SEMA5A: variants seen among roughly 807,000 people sequenced by gnomAD.
SEMA5A encodes the protein semaphorin-5A.
Under a neutral mutation model 135.5 loss-of-function variants are expected in SEMA5A, and 55 were observed. The observed-to-expected ratio is 0.41, with a 90% confidence interval of 0.33 to 0.51. The LOEUF is 0.51. SEMA5A is among the 20% of genes least tolerant of loss of function. The pLI is 0.37. For synonymous variants in SEMA5A, 580 were observed against 546.5 expected, an observed-to-expected ratio of 1.06 and a Z score of -0.85; for missense variants, 1,290 against 1,419.9, an observed-to-expected ratio of 0.91 and a Z score of 1.47.
At chr5:9,306,124 T>C (rs534014460) in intron 5 of SEMA5A, among the ~76,000 whole-genome samples, 12 of 152,344 alleles carry the variant, frequency 7.9e-5, no homozygotes, top group African/African-American at 2.6e-4. Flanking sequence ...AACGTGCTGG[T>C]GTGGTTATCT....
At chr5:9,071,858 A>G (rs1285450580) in intron 16 of SEMA5A, among the ~76,000 whole-genome samples, 2 of 152,230 alleles carry the variant, frequency 1.3e-5, no homozygotes, top group Admixed American at 6.5e-5. Flanking sequence ...TGAGACTGAA[A>G]GCAATTCACA....
intron 5 of SEMA5A, among the ~76,000 whole-genome samples, chr5:9,272,393 C>T (rs574830385): frequency 6.6e-6 from 1 of 152,186 alleles, no homozygotes; most frequent in South Asian, 2.1e-4. Context: ...CCCCACCTCC[C>T]TGGGACAGAG....
intron 5 of SEMA5A, among the ~76,000 whole-genome samples, chr5:9,241,075 C>A (rs1266293154): frequency 6.6e-6 from 1 of 152,080 alleles, no homozygotes; most frequent in East Asian, 1.9e-4. Context: ...TATATTTCAG[C>A]AGCAGACATA....
chr5:9,081,767 C>T (rs1301893169), intron 16 of SEMA5A, among the ~76,000 whole-genome samples: 7 of 152,150 alleles, frequency 4.6e-5, no homozygotes, highest in Admixed American at 4.6e-4. Context: ...CATGTGTTGA[C>T]AATTTGTACT....
intron 1 of SEMA5A, among the ~76,000 whole-genome samples, chr5:9,457,579 A>C (rs1287395009): frequency 2.3e-4 from 35 of 152,202 alleles, no homozygotes. Flanking sequence ...GCCTGCATCC[A>C]TGACTTTACC....
intron 5 of SEMA5A, among the ~76,000 whole-genome samples, chr5:9,314,603 C>T (rs1752310862): frequency 6.6e-6 from 1 of 151,822 alleles, no homozygotes; most frequent in Non-Finnish European, 1.5e-5. Flanking sequence ...TACCAGTGTG[C>T]TTATTCCTTT....
chr5:9,204,030 C>T lies in SEMA5A; in HGVS notation c.647-1790G>A, dbSNP rs1805971. On this transcript the variant is annotated intron_variant, in intron 8 of 22. Coordinates refer to ENST00000382496, the MANE Select transcript of SEMA5A (RefSeq NM_003966.3). The surrounding 1 kb of genome is among the most constrained non-coding windows in gnomAD (Gnocchi z 6.4). ...CTGTAAGTCTCCAAAACAGAATTAC[C>T]TGATGAAGCAGGCCCCAAAAGCAAA... is the stretch of plus-strand genomic sequence containing the variant. Among the ~76,000 whole-genome samples, 41,264 of 151,912 alleles carry T rather than the reference C, an allele frequency of 0.27. 8,469 individuals carry two copies. The highest frequency in any genetic ancestry group is 0.58 in the African/African-American group (24,159 of 41,352).
intron 5 of SEMA5A, among the ~76,000 whole-genome samples, chr5:9,240,938 C>T (rs1176483050): frequency 6.6e-6 from 1 of 152,112 alleles, no homozygotes; most frequent in Non-Finnish European, 1.5e-5. Flanking sequence ...TTCATAGTCT[C>T]ATTTCCTGAG....
intron 18 of SEMA5A, among the ~76,000 whole-genome samples, chr5:9,057,205 C>A (rs1269210525): frequency 1.3e-5 from 2 of 152,178 alleles, no homozygotes; most frequent in African/African-American, 4.8e-5. Context: ...ATCTACTATA[C>A]ATCGTTGTAT....
At chr5:9,300,272 C>T (rs992304554) in intron 5 of SEMA5A, among the ~76,000 whole-genome samples, 2 of 152,212 alleles carry the variant, frequency 1.3e-5, no homozygotes, top group African/African-American at 4.8e-5. Flanking sequence ...AAGTGATCCA[C>T]CCGTCTTAGC....
intron 18 of SEMA5A, among the ~76,000 whole-genome samples, chr5:9,057,954 C>T (rs967795751): frequency 1.3e-5 from 2 of 152,124 alleles, no homozygotes; most frequent in Non-Finnish European, 2.9e-5. Flanking sequence ...CTAAAATAGA[C>T]ATTTCAGAAC....
At chr5:9,533,067 G>C (rs1324956077) in intron 1 of SEMA5A, among the ~76,000 whole-genome samples, 1 of 152,178 alleles carries the variant, frequency 6.6e-6, no homozygotes, top group Non-Finnish European at 1.5e-5. Context: ...AGCATCCTTT[G>C]ACCAAAGCCA....
Position 9,527,280 on chromosome 5 carries a change from A to T in SEMA5A, c.-175+18304T>A, listed in dbSNP as rs147231286. Among the ~76,000 whole-genome samples the T allele has an allele frequency of 8.1e-4, 124 of 152,216 alleles. 2 individuals carry two copies. The East Asian group carries it at 0.022, about 28-fold the overall frequency. ...CCATGGCCCCCAAGGGAAAAAGCCA[A>T]CCAGAAGCAGAGGGCTAGCAAGACT... On this transcript the variant is annotated intron_variant, in intron 1 of 22. Transcript: ENST00000382496.
At chr5:9,154,094 T>TGG (rs2150259933) in intron 12 of SEMA5A, among the ~76,000 whole-genome samples, 1 of 71,594 alleles carries the variant, frequency 1.4e-5, no homozygotes, top group South Asian at 4.9e-4. Context: ...TATATATATA[T>TGG]GTGTGTGTGT....
At chr5:9,436,429 C>T (rs532436141) in intron 2 of SEMA5A, among the ~76,000 whole-genome samples, 5 of 152,252 alleles carry the variant, frequency 3.3e-5, no homozygotes, top group South Asian at 2.1e-4. Flanking sequence ...TTCTGCAAAA[C>T]GTAAGGACGA....
chr5:9,219,900 C>T lies in SEMA5A; in HGVS notation c.646+4774G>A, dbSNP rs189382404. On this transcript the variant is annotated intron_variant, in intron 8 of 22. Transcript: ENST00000382496. ...TGAACATCGCATCTGTGGACTAAGT[C>T]GGAGCTGAGACCAGATCTGTGAATG... 1.9e-3 allele frequency among the ~76,000 whole-genome samples: 293 copies of T among 152,134 alleles called. 3 individuals are homozygous for T. Among genetic ancestry groups the T allele is most frequent in the East Asian group, 5.8e-3 (30 of 5,172 alleles).
chr5:9,283,225 G>A (rs1454818008), intron 5 of SEMA5A, among the ~76,000 whole-genome samples: 1 of 152,164 alleles, frequency 6.6e-6, no homozygotes, highest in Non-Finnish European at 1.5e-5. Context: ...TCATGAGTCA[G>A]GAGTCCATTC....
chr5:9,088,053 G>C (rs1013721), intron 16 of SEMA5A, among the ~76,000 whole-genome samples: 1 of 151,940 alleles, frequency 6.6e-6, no homozygotes, highest in Non-Finnish European at 1.5e-5. Context: ...AAGTGCAAAA[G>C]TGGCCTCTCA....
At chr5:9,288,271 G>A (rs1750897753) in intron 5 of SEMA5A, among the ~76,000 whole-genome samples, 1 of 152,170 alleles carries the variant, frequency 6.6e-6, no homozygotes. Flanking sequence ...CTACTAAGGG[G>A]CCCAAAGGAA....
Sources: allele counts gnomAD v4.1 joint callset (sites outside exome capture counted in the v4.1 genomes callset), GRCh38; gene constraint gnomAD v4.1.1; non-coding constraint Gnocchi (gnomAD v3.1); transcripts MANE v1.5; gene names NCBI Gene and HGNC (gene_info 2026-07-23, HGNC 2026-07-21).